Variants in GPHN observed in about 807,000 individuals in gnomAD.
The protein encoded by GPHN is gephyrin.
GPHN carries 17 observed loss-of-function variants against 95.5 expected under a neutral mutation model. The observed-to-expected ratio is 0.18, with a 90% CI of 0.12 to 0.27. The LOEUF (loss-of-function observed/expected upper bound fraction) is 0.27. Among genes scored for constraint, GPHN ranks in the 10% least tolerant of loss-of-function variants. The pLI is 1.00. For missense variants in GPHN, 660 were observed against 978.1 expected (o/e 0.67, Z 4.34); for synonymous variants, 320 against 322.5 (o/e 0.99, Z 0.08).
At chr14:67,090,029 C>G (rs1474295002) in intron 12 of GPHN, among the ~76,000 whole-genome samples, 1 of 152,064 alleles carries the variant, frequency 6.6e-6, no homozygotes, top group Admixed American at 6.6e-5. Flanking sequence ...ACATACTTAT[C>G]ATTTTTGTAG....
At chr14:67,027,033 A>C (rs2073960898) in intron 10 of GPHN, among the ~76,000 whole-genome samples, 1 of 152,210 alleles carries the variant, frequency 6.6e-6, no homozygotes, top group Non-Finnish European at 1.5e-5. Flanking sequence ...CAAAATATCT[A>C]AGCAATAGGT....
At chr14:66,857,883 C>T (rs1173243872) in intron 4 of GPHN, among the ~76,000 whole-genome samples, 11 of 152,128 alleles carry the variant, frequency 7.2e-5, no homozygotes, top group African/African-American at 1.9e-4. Flanking sequence ...GATTGTGAGA[C>T]GTAGCATTGG....
At chr14:67,726,826 A>G in the GPHN span, among the ~76,000 whole-genome samples, 3 of 152,228 alleles carry the variant, frequency 2.0e-5, no homozygotes, top group East Asian at 1.9e-4. Context: ...GGAATCCACA[A>G]ACTCAGACCA....
chr14:67,326,090 A>G, the GPHN span, among the ~76,000 whole-genome samples: 18 of 146,776 alleles, frequency 1.2e-4, no homozygotes, highest in African/African-American at 4.0e-4. Flanking sequence ...CTCCCAAAGT[A>G]CTGGGATTAC....
chr14:66,855,388 C>T (rs2062757485), intron 4 of GPHN, among the ~76,000 whole-genome samples: 1 of 152,058 alleles, frequency 6.6e-6, no homozygotes, highest in South Asian at 2.1e-4. Context: ...AATAATTCTC[C>T]TTTTGTGCAT....
chr14:66,950,178 GCTA>G (rs2068016975), intron 8 of GPHN, among the ~76,000 whole-genome samples: 1 of 152,048 alleles, frequency 6.6e-6, no homozygotes, highest in Non-Finnish European at 1.5e-5. Context: ...TTTCCTCCAT[GCTA>G]TGAGTTGCAT....
intron 8 of GPHN, among the ~76,000 whole-genome samples, chr14:66,960,510 C>A (rs2068827240): frequency 6.6e-6 from 1 of 151,838 alleles, no homozygotes; most frequent in African/African-American, 2.4e-5. Flanking sequence ...TTGTGCATAA[C>A]CTCTGATGTT....
At chr14:66,959,781 G>C (rs569880087) in intron 8 of GPHN, among the ~76,000 whole-genome samples, 1 of 151,978 alleles carries the variant, frequency 6.6e-6, no homozygotes, top group South Asian at 2.1e-4. Context: ...CATCAAATTT[G>C]GGAAGTTTTT....
chr14:66,980,733 A>G (rs1420030706), intron 9 of GPHN, among the ~76,000 whole-genome samples: 2 of 152,232 alleles, frequency 1.3e-5, no homozygotes, highest in African/African-American at 4.8e-5. Context: ...TTAATATATC[A>G]TTAGACATCA....
At chr14:67,227,301 A>G in the GPHN span, among the ~76,000 whole-genome samples, 1 of 151,958 alleles carries the variant, frequency 6.6e-6, no homozygotes, top group Admixed American at 6.6e-5. Context: ...TTAGCCGGGC[A>G]TGGTGGCGCA....
the GPHN span, among the ~76,000 whole-genome samples, chr14:67,263,036 C>G: frequency 6.6e-6 from 1 of 152,104 alleles, no homozygotes; most frequent in Non-Finnish European, 1.5e-5. Context: ...TAGAGCAGTT[C>G]AAGTAACCAA....
intron 2 of GPHN, among the ~76,000 whole-genome samples, chr14:66,766,591 A>G (rs933462389): frequency 2.6e-5 from 4 of 152,140 alleles, no homozygotes; most frequent in East Asian, 1.9e-4. Context: ...CGTATGGCAC[A>G]TGGTAAAAAT....
chr14:67,653,660 G>C, the GPHN span, among the ~76,000 whole-genome samples: 43 of 152,150 alleles, frequency 2.8e-4, no homozygotes, highest in African/African-American at 8.2e-4. Context: ...GAAGAACCTG[G>C]AAAGGACAAG....
intron 2 of GPHN, among the ~76,000 whole-genome samples, chr14:66,682,737 G>A (rs771669297): frequency 2.0e-5 from 3 of 152,032 alleles, no homozygotes; most frequent in East Asian, 1.9e-4. Context: ...GCGACAGAGC[G>A]AGGCTCCATC....
At chr14:67,156,962 C>A (rs2081625184) in intron 18 of GPHN, among the ~76,000 whole-genome samples, 1 of 147,402 alleles carries the variant, frequency 6.8e-6, no homozygotes. Flanking sequence ...ACAAGTGAGA[C>A]TCTGTCTCAA....
intron 4 of GPHN, among the ~76,000 whole-genome samples, chr14:66,846,917 A>G (rs997095674): frequency 1.3e-5 from 2 of 152,150 alleles, no homozygotes; most frequent in Non-Finnish European, 2.9e-5. Context: ...AATTTAATTT[A>G]TTCTCACTAT....
At position 66,959,211 on chromosome 14, in the gene GPHN, G is replaced by A. The variant is rs1298206314; in HGVS notation, c.829-5980G>A. On this transcript the variant is annotated intron_variant, in intron 8 of 22. Transcript: ENST00000478722. Reference sequence around the variant, plus strand: ...TATGTAGTTTTTTTAATTATATGGGGCAGAAAAGAGGATTCACAAACAAAA... The same window carrying A: ...TATGTAGTTTTTTTAATTATATGGGACAGAAAAGAGGATTCACAAACAAAA... Among the ~76,000 whole-genome samples, 3 of 151,970 alleles carry A rather than the reference G, an allele frequency of 2.0e-5. No individual in the cohort carries two copies. In the East Asian group the frequency reaches 5.8e-4, roughly 29 times the overall value.
At chr14:66,786,508 TAAAAG>T (rs2059780832) in intron 3 of GPHN, among the ~76,000 whole-genome samples, 1 of 151,770 alleles carries the variant, frequency 6.6e-6, no homozygotes, top group Non-Finnish European at 1.5e-5. Flanking sequence ...TCCAAAAAAA[TAAAAG>T]ATGAGGAAAT....
chr14:66,650,309 G>T (rs1014438226), intron 1 of GPHN, among the ~76,000 whole-genome samples: 3 of 152,112 alleles, frequency 2.0e-5, no homozygotes, highest in South Asian at 4.1e-4. Flanking sequence ...CAAAAGAAAA[G>T]AACATGAACA....
Sources: gnomAD v4.1 joint callset for allele counts (sites outside exome capture counted in the v4.1 genomes callset) on GRCh38, gnomAD v4.1.1 for gene constraint, MANE v1.5 for transcripts, NCBI Gene and HGNC (gene_info 2026-07-23, HGNC 2026-07-21) for gene names.